Variants in DNAI7 observed in about 807,000 individuals in gnomAD.
DNAI7 encodes the protein dynein axonemal intermediate chain 7, also known as cancer susceptibility 1.
A neutral mutation model predicts 86.6 loss-of-function variants in DNAI7; 78 were observed. The ratio of observed to expected loss-of-function variants is 0.90; its 90% CI spans 0.75 to 1.09. The LOEUF (loss-of-function observed/expected upper bound fraction) is 1.09. Ranked by LOEUF, DNAI7 falls within the 50% of genes least tolerant of loss-of-function variation. DNAI7 has a pLI of 0.00. For missense variants in DNAI7, 753 were observed against 810.2 expected, an observed-to-expected ratio of 0.93 and a Z score of 0.86; for synonymous variants, 274 against 273.0, an observed-to-expected ratio of 1.00 and a Z score of -0.04.
Position 25,158,405 on chromosome 12 carries a change from T to C in DNAI7, c.198+67A>G, listed in dbSNP as rs1394847008. ...GGTAGCTATGGGCTGAGAAGGACATTAAATGACAATAAATCTGATAGCCAT... is the reference window on the plus strand; with the variant it reads ...GGTAGCTATGGGCTGAGAAGGACATCAAATGACAATAAATCTGATAGCCAT... On this transcript the variant is annotated intron_variant, in intron 4 of 15. Coordinates refer to ENST00000395987, the MANE Select transcript of DNAI7 (RefSeq NM_018272.5). 7 of 1,297,210 alleles carry C rather than the reference T, an allele frequency of 5.4e-6. No individual in the cohort carries two copies. In the African/African-American group the frequency reaches 1.0e-4, roughly 19 times the overall value. 80.4% of individuals were successfully genotyped at this position (1,297,210 alleles called of 1,614,324 possible).
At chr12:25,161,253 C>T in intron 2 of DNAI7, 56 bp from the exon 3 acceptor site, 4 of 1,401,534 alleles carry the variant, frequency 2.9e-6, no homozygotes, top group Non-Finnish European at 4.0e-6. Context: ...ACTTGAAAAA[C>T]ACATCTTTTC....
intron 1 of DNAI7, among the ~76,000 whole-genome samples, chr12:25,193,440 G>T (rs552570425): frequency 2.0e-5 from 3 of 152,302 alleles, no homozygotes; most frequent in East Asian, 3.9e-4. Context: ...GGCCCTCAGA[G>T]GTATCACAGA....
At chr12:25,156,601 C>T (rs1946204263) in intron 4 of DNAI7, among the ~76,000 whole-genome samples, 1 of 151,684 alleles carries the variant, frequency 6.6e-6, no homozygotes, top group Non-Finnish European at 1.5e-5. Flanking sequence ...ATTAGCCGGG[C>T]GCGGTGGCGG....
At chr12:25,167,806 C>T (rs955410893) in intron 2 of DNAI7, among the ~76,000 whole-genome samples, 1 of 152,172 alleles carries the variant, frequency 6.6e-6, no homozygotes, top group African/African-American at 2.4e-5. Context: ...AAACACCTTT[C>T]TCCTTATATC....
At chr12:25,194,936 C>A (rs1950911925) in intron 1 of DNAI7, 140 bp downstream of exon 1, 1 of 1,614,060 alleles carries the variant, frequency 6.2e-7, no homozygotes, top group Admixed American at 1.7e-5. Context: ...GAGGGCCGAC[C>A]CACCCCAAGG....
chr12:25,135,825 C>T (rs1296239779), intron 9 of DNAI7, among the ~76,000 whole-genome samples: 1 of 151,848 alleles, frequency 6.6e-6, no homozygotes, highest in Non-Finnish European at 1.5e-5. Flanking sequence ...AGCATACCCC[C>T]ATCCCCTAGA....
intron 2 of DNAI7, among the ~76,000 whole-genome samples, chr12:25,165,483 T>C (rs541092767): frequency 1.3e-4 from 20 of 152,326 alleles, no homozygotes; most frequent in Admixed American, 6.5e-4. Context: ...CCTCCTAAGC[T>C]GTGTCCCATC....
chr12:25,124,616 AT>A lies in DNAI7; in HGVS notation c.1003-1331del, dbSNP rs980964378. Among the ~76,000 whole-genome samples the A allele has an allele frequency of 5.5e-4, 83 of 151,814 alleles. No individual in the cohort carries two copies. The South Asian group carries it at 0.011, about 20-fold the overall frequency. ...CCTAAAGGTAGTAAGTTTGAACTAA[AT>A]TTTTTTTTAACTTTTATTTTAGGTT... On this transcript the variant is annotated intron_variant, in intron 9 of 15. Coordinates refer to ENST00000395987, the MANE Select transcript of DNAI7 (RefSeq NM_018272.5).
intron 2 of DNAI7, among the ~76,000 whole-genome samples, chr12:25,173,819 A>C (rs369366192): frequency 6.8e-6 from 1 of 146,504 alleles, no homozygotes; most frequent in African/African-American, 2.6e-5. Context: ...ATATATATAC[A>C]TCATATATAT....
rs763875091 is a variant in DNAI7, at chr12:25,161,094, A to G, written c.106+19T>C. ...ACTATTACCTGTATAGGTAAATAGTATCACTATTTATTTTGTACCTTCCTC... is the reference window on the plus strand; with the variant it reads ...ACTATTACCTGTATAGGTAAATAGTGTCACTATTTATTTTGTACCTTCCTC... On this transcript the variant is annotated intron_variant, in intron 3 of 15. Coordinates refer to ENST00000395987, the MANE Select transcript of DNAI7 (RefSeq NM_018272.5). 2.0e-6 allele frequency: 3 copies of G among 1,517,794 alleles called. No individual in the cohort carries two copies. The highest frequency in any genetic ancestry group is 2.7e-6 in the Non-Finnish European group (3 of 1,092,226). 94.0% of individuals were successfully genotyped at this position (1,517,794 alleles called of 1,614,324 possible). A position where few individuals can be genotyped will look rare whatever the true frequency, so the allele number is the denominator to read the frequency against.
chr12:25,171,906 T>C (rs1330829828), intron 2 of DNAI7, among the ~76,000 whole-genome samples: 1 of 152,044 alleles, frequency 6.6e-6, no homozygotes, highest in African/African-American at 2.4e-5. Context: ...TTTGACAAAA[T>C]CCAGCATCCC....
At chr12:25,174,167 C>G (rs1432578559) in intron 2 of DNAI7, among the ~76,000 whole-genome samples, 1 of 147,488 alleles carries the variant, frequency 6.8e-6, no homozygotes, top group Non-Finnish European at 1.5e-5. Flanking sequence ...GAGTTTGTTG[C>G]AGATTCTGGA....
chr12:25,161,935 C>A (rs1273703705), intron 2 of DNAI7, among the ~76,000 whole-genome samples: 5 of 152,002 alleles, frequency 3.3e-5, no homozygotes, highest in Non-Finnish European at 7.4e-5. Context: ...AGGGCTGTGG[C>A]TATAAAGAAT....
chr12:25,107,938 G>A (rs751093700), downstream of DNAI7: 3 of 1,614,152 alleles, frequency 1.9e-6, no homozygotes, highest in East Asian at 2.2e-5. Context: ...CTTCCTCACA[G>A]GCCAATTATT....
intron 6 of DNAI7, among the ~76,000 whole-genome samples, chr12:25,152,268 A>G (rs973165545): frequency 1.3e-5 from 2 of 152,192 alleles, no homozygotes; most frequent in Admixed American, 6.5e-5. Flanking sequence ...AGAGGGACCA[A>G]CCATGTGATT....
chr12:25,129,455 C>G (rs1415603429), intron 9 of DNAI7, among the ~76,000 whole-genome samples: 1 of 152,190 alleles, frequency 6.6e-6, no homozygotes. Flanking sequence ...AGGGTATGAC[C>G]TGGAAATGCA....
At chr12:25,121,386 C>T (rs1941269542) in intron 11 of DNAI7, among the ~76,000 whole-genome samples, 1 of 152,176 alleles carries the variant, frequency 6.6e-6, no homozygotes, top group Non-Finnish European at 1.5e-5. Flanking sequence ...AGTTGAGTAG[C>T]TGCATCAGAG....
chr12:25,123,547 G>A (rs959825163), intron 9 of DNAI7, among the ~76,000 whole-genome samples: 23 of 152,184 alleles, frequency 1.5e-4, no homozygotes, highest in African/African-American at 5.5e-4. Context: ...AAAAGATGGA[G>A]ATTAGGAAGC....
At chr12:25,117,906 G>T (rs1018377006) in intron 12 of DNAI7, among the ~76,000 whole-genome samples, 4 of 148,918 alleles carry the variant, frequency 2.7e-5, no homozygotes, top group African/African-American at 9.8e-5. Context: ...ATCTGTTTTT[G>T]ATTTGCTAAA....
Sources: allele counts gnomAD v4.1 joint callset (sites outside exome capture counted in the v4.1 genomes callset), GRCh38; gene constraint gnomAD v4.1.1; transcripts MANE v1.5; gene names NCBI Gene and HGNC (gene_info 2026-07-23, HGNC 2026-07-21).